Variants in PGS1 observed in about 807,000 individuals in gnomAD.
The protein encoded by PGS1 is phosphatidylglycerophosphate synthase 1.
PGS1 carries 44 observed loss-of-function variants against 58.3 expected under a neutral mutation model. The ratio of observed to expected loss-of-function variants is 0.75; its 90% CI spans 0.59 to 0.97. The LOEUF (loss-of-function observed/expected upper bound fraction) is 0.97. Ranked by LOEUF, PGS1 falls within the 50% of genes least tolerant of loss-of-function variation. The pLI, the probability that PGS1 is intolerant of heterozygous loss-of-function variation, is 0.00. For missense variants in PGS1, 684 were observed against 731.1 expected (o/e 0.94, Z 0.74); for synonymous variants, 330 against 311.0 (o/e 1.06, Z -0.64).
chr17:78,416,185 G>C (rs936632499), intron 8 of PGS1, among the ~76,000 whole-genome samples: 2 of 152,226 alleles, frequency 1.3e-5, no homozygotes. Context: ...GGGTGGGCCA[G>C]TGGGGTAATG....
Position 78,378,727 on chromosome 17 carries a change from T to C in PGS1, c.62T>C (p.Leu21Pro). The C allele has an allele frequency of 6.6e-7, 1 of 1,515,894 alleles. No homozygotes were observed. The highest frequency in any genetic ancestry group is 8.8e-7 in the Non-Finnish European group (1 of 1,138,396). The allele number at this position is 1,515,894 out of a possible 1,614,324, so 93.9% of individuals were successfully genotyped here. ...PVFWRRLLGL[L>P]PGRPGLAALL... ...TTCTGGAGGCGACTGCTGGGCCTCC[T>C]GCCTGGCCGCCCAGGGCTGGCCGCG... The change falls in exon 1 of 10, where the codon CTG (leucine) becomes CCG (proline). Residue 21 changes from leucine (L) to proline (P), a missense_variant. By Grantham distance (98) the Leu-to-Pro change is moderately conservative. Coordinates refer to ENST00000262764, the MANE Select transcript of PGS1 (RefSeq NM_024419.5).
At chr17:78,388,796 T>C (rs957053543) in intron 1 of PGS1, among the ~76,000 whole-genome samples, 1 of 150,468 alleles carries the variant, frequency 6.6e-6, no homozygotes, top group Admixed American at 6.6e-5. Context: ...TTCCCCTTTT[T>C]GATGCCTTGA....
intron 8 of PGS1, among the ~76,000 whole-genome samples, chr17:78,417,123 G>A (rs1260283697): frequency 6.6e-6 from 1 of 152,194 alleles, no homozygotes; most frequent in African/African-American, 2.4e-5. Flanking sequence ...TACCACTTGT[G>A]ACCCAAGAAA....
intron 2 of PGS1, among the ~76,000 whole-genome samples, chr17:78,393,560 G>A (rs1309046494): frequency 6.6e-6 from 1 of 152,184 alleles, no homozygotes; most frequent in African/African-American, 2.4e-5. Context: ...AAACACAGTA[G>A]TGTCATCTTG....
At chr17:78,415,131 C>A in intron 8 of PGS1, 104 bp downstream of exon 8, 1 of 1,294,888 alleles carries the variant, frequency 7.7e-7, no homozygotes, top group Non-Finnish European at 1.1e-6. Context: ...CCTGAGGCAA[C>A]GAGTGAGACT....
Position 78,392,498 on chromosome 17 carries a change from C to T in PGS1, c.166C>T (p.Pro56Ser). Residue 56 changes from proline (P) to serine (S), a missense_variant, in exon 2 of 10, where the codon CCC becomes TCC. Physicochemically the swap from Pro to Ser is moderately conservative, Grantham distance 74. Transcript: ENST00000262764. ...CAGGTCACCATGGCTGTTATTGGCT[C>T]CCTTGCTGTCCCCAGCTGTTCCCCA... is the stretch of plus-strand genomic sequence containing the variant. Reference protein sequence around the residue: ...RRRSPWLLLAPLLSPAVPQVT... With the variant: ...RRRSPWLLLASLLSPAVPQVT... The T allele has an allele frequency of 6.2e-7, 1 of 1,612,900 alleles. No individual in the cohort carries two copies. The highest frequency in any genetic ancestry group is 8.5e-7 in the Non-Finnish European group (1 of 1,179,532).
rs2085543147 is a variant in PGS1 at position 78,419,891 on chromosome 17, T to C, written c.*10+216T>C. ...TGTTCACTTTCCATCTGGTACCCAC[T>C]CCACTAAGTCCCAAGGCGCCTGTGC... On this transcript the variant is annotated intron_variant, in intron 9 of 9. Coordinates refer to ENST00000262764, the MANE Select transcript of PGS1 (RefSeq NM_024419.5). 4.7e-6 allele frequency: 6 copies of C among 1,282,794 alleles called. No homozygotes were observed. The South Asian group carries it at 9.2e-5, about 20-fold the overall frequency. 79.5% of individuals were successfully genotyped at this position (1,282,794 alleles called of 1,614,324 possible).
At chr17:78,388,310 C>T (rs1322385420) in intron 1 of PGS1, among the ~76,000 whole-genome samples, 1 of 152,118 alleles carries the variant, frequency 6.6e-6, no homozygotes. Context: ...GATAGGTGAA[C>T]CCTGACACCT....
At chr17:78,403,497 G>A (rs1360287180) in intron 6 of PGS1, 71 bp from the exon 7 acceptor site, 1 of 1,492,166 alleles carries the variant, frequency 6.7e-7, no homozygotes, top group South Asian at 1.2e-5. Flanking sequence ...CACATGCCCT[G>A]TCCCCTGAGC....
At position 78,384,656 on chromosome 17, in the gene PGS1, G is replaced by C. The variant is rs140319796; in HGVS notation, c.143+5848G>C. Among the ~76,000 whole-genome samples, 14 of 152,272 alleles carry C rather than the reference G, an allele frequency of 9.2e-5. No individual in the cohort carries two copies. In the East Asian group the frequency reaches 2.7e-3, roughly 29 times the overall value. The stretch of plus-strand genomic sequence containing the variant: ...CGCCTCTGAGGGACACTGAATTACC[G>C]ACCTGTGTTTGGTATGGAGAGCGCA... On this transcript the variant is annotated intron_variant, in intron 1 of 9. Transcript: ENST00000262764.
intron 6 of PGS1, among the ~76,000 whole-genome samples, chr17:78,401,784 G>T (rs192362833): frequency 2.6e-5 from 4 of 152,326 alleles, no homozygotes; most frequent in Admixed American, 2.6e-4. Context: ...AAGAGCTTGT[G>T]GAGCTCTGTA....
chr17:78,399,788 C>T (rs375462060), intron 5 of PGS1: 1 of 545,682 alleles, frequency 1.8e-6, no homozygotes. Flanking sequence ...TTGTCTGTTT[C>T]CACCCTCAGT....
intron 2 of PGS1, 72 bp from the exon 3 acceptor site, chr17:78,396,236 T>G: frequency 8.5e-7 from 1 of 1,171,834 alleles, no homozygotes; most frequent in Non-Finnish European, 1.3e-6. Context: ...GCCTCCCAGG[T>G]CAAAGGGTTC....
intron 1 of PGS1, among the ~76,000 whole-genome samples, chr17:78,382,278 C>T (rs2082085664): frequency 6.6e-6 from 1 of 152,068 alleles, no homozygotes; most frequent in Admixed American, 6.5e-5. Flanking sequence ...CAGTCTGGGC[C>T]AGAGACCCAG....
chr17:78,410,730 C>T (rs1489195512), intron 7 of PGS1, among the ~76,000 whole-genome samples: 2 of 152,062 alleles, frequency 1.3e-5, no homozygotes, highest in Non-Finnish European at 2.9e-5. Flanking sequence ...CCTTGGCCCC[C>T]CAAAGTCCTG....
In PGS1 at chr17:78,423,796, A is replaced by G. The variant is rs1354779735; in HGVS notation, c.*11-265A>G. 16 of 1,398,106 alleles carry G rather than the reference A, an allele frequency of 1.1e-5. No homozygotes were observed. In the South Asian group the frequency reaches 2.1e-4, roughly 18 times the overall value. The allele number at this position is 1,398,106 out of a possible 1,614,324, so 86.6% of individuals were successfully genotyped here. On this transcript the variant is annotated intron_variant, in intron 9 of 9. Transcript: ENST00000262764. ...GTTACAAAGCACCTGATTATTTAAG[A>G]GAACGAAAAACCACCACCAGTTCCT...
intron 1 of PGS1, 37 bp downstream of exon 1, chr17:78,378,845 C>T (rs1007081252): frequency 4.4e-6 from 6 of 1,365,060 alleles, no homozygotes; most frequent in Admixed American, 7.9e-5. Context: ...GCAGCCCTCG[C>T]GGCTGCAGCC....
At chr17:78,415,117 G>C (rs1030638253) in intron 8 of PGS1, 90 bp downstream of exon 8, 3 of 1,442,378 alleles carry the variant, frequency 2.1e-6, no homozygotes, top group African/African-American at 1.4e-5. Context: ...CCTGAGAGCT[G>C]TTTCCTGAGG....
chr17:78,399,429 C>T lies in PGS1; in HGVS notation c.593C>T (p.Pro198Leu), dbSNP rs747202555. ...GTCCGAGTCTCCCTCTTTCACACGC[C>T]GCACCTCCGTGGGCTGCTTCGGCTC... is the stretch of plus-strand genomic sequence containing the variant. ...EQVRVSLFHT[P>L]HLRGLLRLLI... is the part of the protein sequence containing the mutation. Residue 198 changes from proline (P) to leucine (L), a missense_variant, in exon 5 of 10, where the codon CCG becomes CTG. Physicochemically the swap from Pro to Leu is moderately conservative, Grantham distance 98. Coordinates refer to ENST00000262764, the MANE Select transcript of PGS1 (RefSeq NM_024419.5). 13 of 1,614,120 alleles carry T rather than the reference C, an allele frequency of 8.1e-6. No homozygotes were observed. Among genetic ancestry groups the T allele is most frequent in the South Asian group, 1.1e-5 (1 of 91,084 alleles).
Sources: allele counts gnomAD v4.1 joint callset (sites outside exome capture counted in the v4.1 genomes callset), GRCh38; gene constraint gnomAD v4.1.1; transcripts MANE v1.5; gene names NCBI Gene and HGNC (gene_info 2026-07-23, HGNC 2026-07-21).